C12orf54: variants seen among roughly 807,000 people sequenced by gnomAD.
C12orf54 encodes the protein uncharacterized protein C12orf54.
A neutral mutation model predicts 26.4 loss-of-function variants in C12orf54; 24 were observed. That is an observed-to-expected ratio of 0.91 (90% CI 0.66 to 1.28). The LOEUF is 1.28. Ranked by LOEUF, C12orf54 falls within the 50% of genes most tolerant of loss-of-function variation. The pLI is 0.00. For missense variants in C12orf54, 154 were observed against 150.9 expected (o/e 1.02, Z -0.11); for synonymous variants, 54 against 47.0 (o/e 1.15, Z -0.61).
intron 4 of C12orf54, among the ~76,000 whole-genome samples, 182 bp downstream of exon 4, chr12:48,486,908 G>A (rs569482199): frequency 4.3e-4 from 66 of 152,254 alleles, no homozygotes; most frequent in African/African-American, 1.5e-3. Context: ...AGAGCTCCTC[G>A]TGTCTGTGCA....
chr12:48,417,890 C>T, the C12orf54 span, among the ~76,000 whole-genome samples: 28 of 152,222 alleles, frequency 1.8e-4, no homozygotes, highest in African/African-American at 6.3e-4. Flanking sequence ...CAGTTGCATC[C>T]GTGTTACTAC....
chr12:48,458,299 C>A, the C12orf54 span, among the ~76,000 whole-genome samples: 2 of 152,156 alleles, frequency 1.3e-5, no homozygotes, highest in African/African-American at 4.8e-5. Flanking sequence ...TTGATTGGTA[C>A]AGGAGAGGGA....
At chr12:48,486,103 T>G in intron 2 of C12orf54, 75 bp from the exon 3 acceptor site, 2 of 1,388,786 alleles carry the variant, frequency 1.4e-6, no homozygotes, top group Non-Finnish European at 2.0e-6. Flanking sequence ...CTAGGAGTGA[T>G]AGAATAGAGT....
At chr12:48,464,803 AAAAC>A in the C12orf54 span, among the ~76,000 whole-genome samples, 1 of 152,198 alleles carries the variant, frequency 6.6e-6, no homozygotes, top group Admixed American at 6.5e-5. Flanking sequence ...AAAGCTGACA[AAAAC>A]AAGCAATGAG....
the C12orf54 span, among the ~76,000 whole-genome samples, chr12:48,415,174 C>T: frequency 6.6e-6 from 1 of 152,184 alleles, no homozygotes; most frequent in Non-Finnish European, 1.5e-5. Flanking sequence ...GTGACCATAT[C>T]CATGAACACT....
chr12:48,464,079 C>T, the C12orf54 span, among the ~76,000 whole-genome samples: 1 of 151,994 alleles, frequency 6.6e-6, no homozygotes, highest in Non-Finnish European at 1.5e-5. Context: ...CTGATAAGAG[C>T]AATCAGGAAA....
the C12orf54 span, among the ~76,000 whole-genome samples, chr12:48,452,769 T>G: frequency 6.6e-6 from 1 of 152,304 alleles, no homozygotes; most frequent in South Asian, 2.1e-4. Flanking sequence ...ACATCACTGA[T>G]CATTAGAGAA....
At chr12:48,461,080 T>C in the C12orf54 span, among the ~76,000 whole-genome samples, 1,916 of 152,090 alleles carry the variant, frequency 0.013, 40 homozygotes, top group African/African-American at 0.044. Context: ...TGGAAAAAGA[T>C]ATTCCGTGCT....
At chr12:48,471,713 T>A in the C12orf54 span, among the ~76,000 whole-genome samples, 1 of 152,192 alleles carries the variant, frequency 6.6e-6, no homozygotes, top group Non-Finnish European at 1.5e-5. Flanking sequence ...TGTCTGTTTT[T>A]GTGTCGATAC....
At position 48,488,923 on chromosome 12, in the gene C12orf54, G is replaced by T. The variant is rs1284197145; in HGVS notation, c.136-1G>T. On this transcript the variant is annotated splice_acceptor_variant, in intron 4 of 8. Coordinates refer to ENST00000548364, the MANE Select transcript of C12orf54 (RefSeq NM_152319.4). LOFTEE classifies it high-confidence loss of function. ...TTTTCTATATTTTTGTCTTCTGTCA[G>T]GTGCTGACAGTTTTTAAGGATATAC... is the stretch of plus-strand genomic sequence containing the variant. The T allele has an allele frequency of 3.1e-6, 5 of 1,606,588 alleles. No individual in the cohort carries two copies. Among genetic ancestry groups the T allele is most frequent in the Non-Finnish European group, 4.3e-6 (5 of 1,173,654 alleles).
At chr12:48,415,062 G>A in the C12orf54 span, among the ~76,000 whole-genome samples, 12 of 152,148 alleles carry the variant, frequency 7.9e-5, no homozygotes, top group Non-Finnish European at 1.3e-4. Flanking sequence ...TCCAGCCTCC[G>A]TTTGAATGTC....
the C12orf54 span, among the ~76,000 whole-genome samples, chr12:48,457,864 G>A: frequency 1.3e-5 from 2 of 152,136 alleles, no homozygotes; most frequent in South Asian, 2.1e-4. Context: ...CGGGATGACT[G>A]GGGAGTGATG....
the C12orf54 span, among the ~76,000 whole-genome samples, chr12:48,466,530 G>A: frequency 1.1e-4 from 13 of 113,364 alleles, no homozygotes; most frequent in African/African-American, 2.0e-4. Context: ...GGCAACAAGC[G>A]TGAAACTTTG....
chr12:48,417,493 A>G, the C12orf54 span, among the ~76,000 whole-genome samples: 5 of 152,228 alleles, frequency 3.3e-5, no homozygotes, highest in African/African-American at 1.2e-4. Context: ...TTCTTTAGAC[A>G]CAATTAACAT....
chr12:48,488,625 A>G (rs1411295089), intron 4 of C12orf54: 2 of 420,584 alleles, frequency 4.8e-6, no homozygotes, highest in Non-Finnish European at 8.6e-6. Context: ...AACCAATTAG[A>G]CCGAAAATAA....
the C12orf54 span, among the ~76,000 whole-genome samples, chr12:48,462,935 T>C: frequency 6.6e-6 from 1 of 151,768 alleles, no homozygotes; most frequent in Admixed American, 6.6e-5. Context: ...CCTTCCAGAC[T>C]GGAAAGGAAA....
chr12:48,459,637 T>C, the C12orf54 span, among the ~76,000 whole-genome samples: 1 of 152,122 alleles, frequency 6.6e-6, no homozygotes, highest in Non-Finnish European at 1.5e-5. Context: ...TTAGGCTCAG[T>C]TATTCTCTAG....
the C12orf54 span, among the ~76,000 whole-genome samples, chr12:48,471,025 A>G: frequency 6.6e-6 from 1 of 152,104 alleles, no homozygotes; most frequent in African/African-American, 2.4e-5. Flanking sequence ...TTTTTATTAT[A>G]GTCACCCTGT....
At chr12:48,440,014 C>T in the C12orf54 span, among the ~76,000 whole-genome samples, 91 of 152,216 alleles carry the variant, frequency 6.0e-4, no homozygotes, top group East Asian at 0.017. Flanking sequence ...GGCCTGAGGT[C>T]AGGAGTTCGA....
Sources: gnomAD v4.1 joint callset for allele counts (sites outside exome capture counted in the v4.1 genomes callset) on GRCh38, gnomAD v4.1.1 for gene constraint, MANE v1.5 for transcripts, NCBI Gene and HGNC (gene_info 2026-07-23, HGNC 2026-07-21) for gene names.